Variants in UPF1 observed in about 807,000 individuals in gnomAD.
UPF1 encodes UPF1 RNA helicase and ATPase.
In UPF1, 9 loss-of-function variants were observed where a neutral mutation model predicts 129.2. The observed-to-expected ratio is 0.07, with a 90% confidence interval of 0.04 to 0.12. UPF1 has a LOEUF of 0.12. Ranked by LOEUF, UPF1 falls within the 10% of genes least tolerant of loss-of-function variation. The probability of loss-of-function intolerance (pLI) is 1.00; values close to 1 mark genes in which losing one functional copy is unlikely to be tolerated. For synonymous variants in UPF1, 649 were observed against 644.9 expected (o/e 1.01, Z -0.10); for missense variants, 788 against 1,525.3 (o/e 0.52, Z 8.05).
intron 2 of UPF1, among the ~76,000 whole-genome samples, chr19:18,847,024 AC>A (rs1458758521): frequency 6.6e-6 from 1 of 152,168 alleles, no homozygotes. Context: ...GTGGGCACCC[AC>A]TTGGGGCCCT....
At chr19:18,846,948 C>G (rs187567221) in intron 2 of UPF1, among the ~76,000 whole-genome samples, 1 of 152,178 alleles carries the variant, frequency 6.6e-6, no homozygotes, top group African/African-American at 2.4e-5. Context: ...GAGCCGAGAT[C>G]GCACCACTGC....
chr19:18,839,653 G>T (rs2145934791), intron 1 of UPF1, among the ~76,000 whole-genome samples: 1 of 152,194 alleles, frequency 6.6e-6, no homozygotes, highest in East Asian at 1.9e-4. Context: ...CCCCGTGTCT[G>T]TTAACTTTTG....
In UPF1 at chr19:18,831,977, C is replaced by G; in HGVS notation, c.-233C>G. The G allele has an allele frequency of 3.6e-6, 1 of 277,734 alleles. No individual in the cohort carries two copies. Among genetic ancestry groups the G allele is most frequent in the Non-Finnish European group, 6.6e-6 (1 of 150,476 alleles). The allele number at this position is 277,734 out of a possible 1,614,324, so 17.2% of individuals were successfully genotyped here. A position where few individuals can be genotyped will look rare whatever the true frequency, so the allele number is the denominator to read the frequency against. The stretch of plus-strand genomic sequence containing the variant: ...TGGCGGCAGTTCCTGCTCTAGGCTG[C>G]GAGCGGCTGGCGGCTTCGAGGGGAG... On this transcript the variant is annotated 5_prime_UTR_variant, in exon 1 of 24. Coordinates refer to ENST00000262803, the MANE Select transcript of UPF1 (RefSeq NM_002911.4).
chr19:18,864,162 C>T lies in UPF1; in HGVS notation c.2776-8C>T, dbSNP rs2055813173. 1 of 1,613,618 alleles carries T rather than the reference C, an allele frequency of 6.2e-7. No homozygotes were observed. The highest frequency in any genetic ancestry group is 1.3e-5 in the African/African-American group (1 of 74,936). ...TGACAAATTCCTCACCTATCTAAAC[C>T]TTCGCAGGGAGCCCGCTTCATGACC... On this transcript the variant is annotated splice_region_variant and splice_polypyrimidine_tract_variant and intron_variant, in intron 19 of 23. Transcript: ENST00000262803.
At chr19:18,843,695 G>T (rs538025658) in intron 1 of UPF1, among the ~76,000 whole-genome samples, 40 of 150,472 alleles carry the variant, frequency 2.7e-4, no homozygotes, top group African/African-American at 9.9e-4. Context: ...GTAGAGATGG[G>T]GTTTTGCCAT....
chr19:18,865,513 T>C lies in UPF1; in HGVS notation c.3020-48T>C. The stretch of plus-strand genomic sequence containing the variant: ...GAGAGCTCTTGAGGGTGTGCTTGTC[T>C]GCGAGGCCCTGGCCTCCTTCGGATC... On this transcript the variant is annotated intron_variant, in intron 21 of 23. Transcript: ENST00000262803. The surrounding 1 kb of genome is among the most constrained non-coding windows in gnomAD (Gnocchi z 6.1). 6.2e-7 allele frequency: 1 copy of C among 1,612,574 alleles called. No individual in the cohort carries two copies. Among genetic ancestry groups the C allele is most frequent in the Non-Finnish European group, 8.5e-7 (1 of 1,179,032 alleles).
intron 18 of UPF1, chr19:18,863,214 T>A: frequency 1.9e-6 from 1 of 523,116 alleles, no homozygotes. Context: ...GTGTCTGCCA[T>A]GGGGCTGCTT....
At chr19:18,864,118 G>A (rs2055812473) in intron 19 of UPF1, 52 bp from the exon 20 acceptor site, 4 of 1,561,062 alleles carry the variant, frequency 2.6e-6, no homozygotes, top group African/African-American at 1.4e-5. Flanking sequence ...CCCGTGGGAA[G>A]TTGTTCCTTC....
rs2055430692 is a variant in UPF1 at position 18,832,056 on chromosome 19, T to C, written c.-154T>C. The C allele has an allele frequency of 1.6e-6, 1 of 636,848 alleles. No individual in the cohort carries two copies. Among genetic ancestry groups the C allele is most frequent in the African/African-American group, 2.0e-5 (1 of 50,652 alleles). The allele number at this position is 636,848 out of a possible 1,614,324, so 39.4% of individuals were successfully genotyped here. On this transcript the variant is annotated 5_prime_UTR_variant, in exon 1 of 24. Coordinates refer to ENST00000262803, the MANE Select transcript of UPF1 (RefSeq NM_002911.4). The surrounding 1 kb of genome is among the most constrained non-coding windows in gnomAD (Gnocchi z 5.6). ...GGCGGCGGCTCGGCACTGTTACCTC[T>C]CGGTCCGGCTGGCGCCGGGGCGCGC...
At chr19:18,862,283 T>C in intron 18 of UPF1, 131 bp downstream of exon 18, 1 of 1,397,940 alleles carries the variant, frequency 7.2e-7, no homozygotes, top group Non-Finnish European at 9.6e-7. Flanking sequence ...AGAAACGATG[T>C]CTCACTGGAG....
In UPF1 at chr19:18,851,173, G is replaced by T. The variant is rs148530137; in HGVS notation, c.810+305G>T. ...AGGGGAAGAATGGGGCTGGCTGTGG[G>T]CAGACTTGTCCTGCAGAGCCTGAAC... is the stretch of plus-strand genomic sequence containing the variant. On this transcript the variant is annotated intron_variant, in intron 5 of 23. Transcript: ENST00000262803. This position sits in a 1 kb window ranked among gnomAD's most constrained non-coding sequence, Gnocchi z 4.2. 4.4e-4 allele frequency: 119 copies of T among 272,384 alleles called. 1 individual carries two copies. Among genetic ancestry groups the T allele is most frequent in the African/African-American group, 2.4e-3 (108 of 45,640 alleles). The allele number at this position is 272,384 out of a possible 1,614,324, so 16.9% of individuals were successfully genotyped here. A position where few individuals can be genotyped will look rare whatever the true frequency, so the allele number is the denominator to read the frequency against.
At chr19:18,845,376 G>A (rs148581039) in intron 1 of UPF1, among the ~76,000 whole-genome samples, 119 of 152,338 alleles carry the variant, frequency 7.8e-4, no homozygotes, top group African/African-American at 2.8e-3. Flanking sequence ...GTGGCCTGAT[G>A]ACTTAGAGCC....
intron 3 of UPF1, chr19:18,848,235 A>T: frequency 5.4e-6 from 1 of 185,248 alleles, no homozygotes; most frequent in South Asian, 9.3e-5. Flanking sequence ...TCCGGAGGCT[A>T]ATTCAGGCCA....
At position 18,865,769 on chromosome 19, in the gene UPF1, G is replaced by A; in HGVS notation, c.3228G>A (p.Glu1076=). 6.2e-7 allele frequency: 1 copy of A among 1,612,994 alleles called. No homozygotes were observed. The highest frequency in any genetic ancestry group is 1.1e-5 in the South Asian group (1 of 91,086). The change falls in exon 22 of 24, where the codon GAG becomes GAA. Residue 1076 remains glutamate (E), a synonymous_variant. Transcript: ENST00000262803. This position sits in a 1 kb window ranked among gnomAD's most constrained non-coding sequence, Gnocchi z 6.1. The part of the protein sequence containing the change: ...QMSQPGLSQP[E]LSQDSYLGDE... ...GCCAGCCCGGCCTCTCCCAGCCGGA[G>A]CTGTCCCAGGTGAGCCCGCCCCTGG...
At chr19:18,861,227 A>G (rs905798828) in intron 17 of UPF1, among the ~76,000 whole-genome samples, 5 of 152,220 alleles carry the variant, frequency 3.3e-5, no homozygotes, top group Non-Finnish European at 7.3e-5. Flanking sequence ...ATGGGCTGAG[A>G]TTGGCACATC....
At position 18,843,001 on chromosome 19, in the gene UPF1, A is replaced by G. The variant is rs1357425452; in HGVS notation, c.232-2979A>G. On this transcript the variant is annotated intron_variant, in intron 1 of 23. Transcript: ENST00000262803. ...AAACTCCGTCTCAAAAAAAAAAAAA[A>G]TTTAAATAGAGATGGGGCCTCACTA... Among the ~76,000 whole-genome samples the G allele has an allele frequency of 3.3e-5, 5 of 151,968 alleles. No individual in the cohort carries two copies. The East Asian group carries it at 9.6e-4, about 29-fold the overall frequency.
intron 3 of UPF1, 102 bp from the exon 4 acceptor site, chr19:18,849,973 T>C: frequency 6.9e-7 from 1 of 1,455,216 alleles, no homozygotes; most frequent in Non-Finnish European, 9.4e-7. Context: ...CCTCTGCTAA[T>C]GGACCGTGAA....
At chr19:18,839,810 G>A (rs1356748158) in intron 1 of UPF1, among the ~76,000 whole-genome samples, 1 of 152,200 alleles carries the variant, frequency 6.6e-6, no homozygotes, top group Non-Finnish European at 1.5e-5. Flanking sequence ...TTTGACCCCC[G>A]CGGTTGCACT....
In UPF1 at chr19:18,832,795, C is replaced by G. The variant is rs554025136; in HGVS notation, c.231+355C>G. ...TTTACGCCAGCTGGGTTTGCTCCCC[C>G]TCCTGGGCCCGGGCTGACCTGCCTT... On this transcript the variant is annotated intron_variant, in intron 1 of 23. Coordinates refer to ENST00000262803, the MANE Select transcript of UPF1 (RefSeq NM_002911.4). The surrounding 1 kb of genome is among the most constrained non-coding windows in gnomAD (Gnocchi z 5.6). 6.6e-6 allele frequency among the ~76,000 whole-genome samples: 1 copy of G among 152,214 alleles called. No individual in the cohort carries two copies. The highest frequency in any genetic ancestry group is 2.4e-5 in the African/African-American group (1 of 41,450).
Sources: allele counts gnomAD v4.1 joint callset (sites outside exome capture counted in the v4.1 genomes callset), GRCh38; gene constraint gnomAD v4.1.1; non-coding constraint Gnocchi (gnomAD v3.1); transcripts MANE v1.5; gene names NCBI Gene and HGNC (gene_info 2026-07-23, HGNC 2026-07-21).